The following CREB3L2 variants were observed in gnomAD, a reference collection of about 807,000 sequenced individuals.
CREB3L2 encodes cAMP responsive element binding protein 3 like 2, also known as cyclic AMP-responsive element-binding protein 3-like protein 2.
In CREB3L2, 23 loss-of-function variants were observed where a neutral mutation model predicts 57.2. The observed-to-expected ratio is 0.40, with a 90% confidence interval of 0.29 to 0.57. The LOEUF is 0.57. Ranked by LOEUF, CREB3L2 falls within the 20% of genes least tolerant of loss-of-function variation. CREB3L2 has a pLI of 0.42. For synonymous variants in CREB3L2, 268 were observed against 265.1 expected, an observed-to-expected ratio of 1.01 and a Z score of -0.11; for missense variants, 628 against 634.7, an observed-to-expected ratio of 0.99 and a Z score of 0.11.
intron 1 of CREB3L2, among the ~76,000 whole-genome samples, chr7:137,949,072 A>C (rs1801048555): frequency 6.6e-6 from 1 of 152,258 alleles, no homozygotes; most frequent in Non-Finnish European, 1.5e-5. Context: ...TACACCTAAC[A>C]TCAGGGTACA....
intron 2 of CREB3L2, among the ~76,000 whole-genome samples, chr7:137,925,070 C>G (rs904291193): frequency 6.6e-6 from 1 of 152,176 alleles, no homozygotes; most frequent in African/African-American, 2.4e-5. Flanking sequence ...ATAAGAACAT[C>G]TGTGTGTGCC....
At chr7:137,900,632 TAAA>T (rs77569914) in intron 8 of CREB3L2, among the ~76,000 whole-genome samples, 1 of 138,240 alleles carries the variant, frequency 7.2e-6, no homozygotes, top group Non-Finnish European at 1.6e-5. Flanking sequence ...CCATCTCTAC[TAAA>T]AAAAAAAAAA....
rs886916238 is a variant in CREB3L2 at position 137,878,693 on chromosome 7, G to A, written c.*1783C>T. 8.6e-5 allele frequency: 20 copies of A among 233,666 alleles called. No homozygotes were observed. The highest frequency in any genetic ancestry group is 3.8e-4 in the African/African-American group (17 of 45,308). The allele number at this position is 233,666 out of a possible 1,614,324, so 14.5% of individuals were successfully genotyped here. A position where few individuals can be genotyped will look rare whatever the true frequency, so the allele number is the denominator to read the frequency against. On this transcript the variant is annotated 3_prime_UTR_variant, in exon 12 of 12. Transcript: ENST00000330387. Reference sequence around the variant, plus strand: ...TCACAGTGAGAAGATGAACTTGGCCGCTTTCCAGGCTGGAACCGTCTCCAG... The same window carrying A: ...TCACAGTGAGAAGATGAACTTGGCCACTTTCCAGGCTGGAACCGTCTCCAG...
chr7:137,955,295 A>G (rs923299396), intron 1 of CREB3L2: 2 of 1,289,106 alleles, frequency 1.6e-6, no homozygotes, highest in Non-Finnish European at 2.0e-6. Context: ...AGGAGCAAGC[A>G]GCAAAGCCCT....
intron 1 of CREB3L2, among the ~76,000 whole-genome samples, chr7:137,940,290 C>T (rs993763496): frequency 2.0e-5 from 3 of 152,314 alleles, no homozygotes; most frequent in African/African-American, 7.2e-5. Flanking sequence ...AGGACATTCC[C>T]TCATATCTTT....
At chr7:137,886,754 A>C (rs555192800) in intron 8 of CREB3L2, among the ~76,000 whole-genome samples, 1 of 151,892 alleles carries the variant, frequency 6.6e-6, no homozygotes, top group East Asian at 1.9e-4. Context: ...TTTTATCCCT[A>C]AAATTGGACA....
At chr7:137,950,063 C>T (rs1025041469) in intron 1 of CREB3L2, among the ~76,000 whole-genome samples, 1 of 152,180 alleles carries the variant, frequency 6.6e-6, no homozygotes, top group African/African-American at 2.4e-5. Context: ...AATGCAAGCT[C>T]AGAGAGGCTT....
At chr7:137,956,428 C>T (rs1368758969) in intron 1 of CREB3L2, among the ~76,000 whole-genome samples, 2 of 152,146 alleles carry the variant, frequency 1.3e-5, no homozygotes, top group South Asian at 2.1e-4. Flanking sequence ...CAGTAATACC[C>T]GGGTTTCCTC....
chr7:138,001,675 C>T lies in CREB3L2; in HGVS notation c.31G>A (p.Val11Met). 1 of 1,612,654 alleles carries T rather than the reference C, an allele frequency of 6.2e-7. No homozygotes were observed. ...CTCAGCTTGCGGTCCCACTGCAGCACGCCCTGCTCCCCGCTCTCCAGCACC... is the reference window on the plus strand; with the variant it reads ...CTCAGCTTGCGGTCCCACTGCAGCATGCCCTGCTCCCCGCTCTCCAGCACC... MEVLESGEQG[V>M]LQWDRKLSEL... is the part of the protein sequence containing the mutation. The change falls in exon 1 of 12, where the codon GTG (valine) becomes ATG (methionine). Residue 11 changes from valine (V) to methionine (M), a missense_variant. Val to Met is a conservative substitution (Grantham distance 21). Transcript: ENST00000330387. The surrounding 1 kb of genome is among the most constrained non-coding windows in gnomAD (Gnocchi z 4.2).
chr7:137,964,789 A>C (rs541240955), intron 1 of CREB3L2, among the ~76,000 whole-genome samples: 1 of 152,240 alleles, frequency 6.6e-6, no homozygotes, highest in Admixed American at 6.5e-5. Flanking sequence ...TAATTCCCAC[A>C]TGTTGTGGGA....
intron 1 of CREB3L2, among the ~76,000 whole-genome samples, chr7:137,935,432 C>T (rs1282087592): frequency 6.6e-6 from 1 of 152,162 alleles, no homozygotes; most frequent in Non-Finnish European, 1.5e-5. Flanking sequence ...GAAAGTCATC[C>T]CTAGACAGAT....
chr7:137,905,663 C>A (rs745515522), intron 6 of CREB3L2, 39 bp downstream of exon 6: 1 of 1,609,804 alleles, frequency 6.2e-7, no homozygotes, highest in Middle Eastern at 1.7e-4. Context: ...CGATTCTGCT[C>A]GTCTCTGCTC....
chr7:137,975,556 G>T (rs1450102435), intron 1 of CREB3L2, among the ~76,000 whole-genome samples: 2 of 152,060 alleles, frequency 1.3e-5, no homozygotes, highest in African/African-American at 2.4e-5. Context: ...CTTTAGAAAG[G>T]GACTTCATTC....
intron 1 of CREB3L2, among the ~76,000 whole-genome samples, chr7:137,989,390 CT>C (rs1379420139): frequency 1.3e-5 from 2 of 150,408 alleles, no homozygotes; most frequent in African/African-American, 4.9e-5. Context: ...CGACTCTCCC[CT>C]ATTTTGGAGC....
chr7:137,986,134 A>G (rs757029282), intron 1 of CREB3L2, among the ~76,000 whole-genome samples: 11 of 152,226 alleles, frequency 7.2e-5, no homozygotes, highest in Non-Finnish European at 1.5e-5. Context: ...AAAGGTGCTC[A>G]CAGTAGGGAG....
At chr7:137,915,491 T>C (rs1159074275) in intron 3 of CREB3L2, among the ~76,000 whole-genome samples, 4 of 152,156 alleles carry the variant, frequency 2.6e-5, no homozygotes, top group African/African-American at 9.7e-5. Context: ...ATGGATTACA[T>C]CACCACTTCA....
intron 8 of CREB3L2, among the ~76,000 whole-genome samples, chr7:137,899,255 G>A (rs1799703510): frequency 6.6e-6 from 1 of 152,116 alleles, no homozygotes; most frequent in African/African-American, 2.4e-5. Flanking sequence ...CACACACCCG[G>A]ACTTCGCCCC....
chr7:137,910,488 A>C (rs1469265952), intron 4 of CREB3L2, among the ~76,000 whole-genome samples: 1 of 152,132 alleles, frequency 6.6e-6, no homozygotes, highest in Non-Finnish European at 1.5e-5. Flanking sequence ...TGCTTGGCTA[A>C]GAGTGAGGAG....
intron 1 of CREB3L2, among the ~76,000 whole-genome samples, chr7:137,949,983 A>ATTATT (rs1469593550): frequency 2.0e-4 from 30 of 152,188 alleles, no homozygotes; most frequent in Non-Finnish European, 7.3e-5. Context: ...GGCTAAGTAT[A>ATTATT]TTATTTTATT....
Sources: allele counts gnomAD v4.1 joint callset (sites outside exome capture counted in the v4.1 genomes callset), GRCh38; gene constraint gnomAD v4.1.1; non-coding constraint Gnocchi (gnomAD v3.1); transcripts MANE v1.5; gene names NCBI Gene and HGNC (gene_info 2026-07-23, HGNC 2026-07-21).